The following PCDHGA8 variants were observed in gnomAD, a reference collection of about 807,000 sequenced individuals.
The protein encoded by PCDHGA8 is protocadherin gamma subfamily A, 8.
Under a neutral mutation model 59.2 loss-of-function variants are expected in PCDHGA8, and 45 were observed. The observed-to-expected ratio is 0.76, with a 90% CI of 0.60 to 0.98. PCDHGA8 has a LOEUF of 0.98. PCDHGA8 is among the 50% of genes least tolerant of loss of function. PCDHGA8 has a pLI of 0.00. For missense variants in PCDHGA8, 1,257 were observed against 1,196.2 expected, an observed-to-expected ratio of 1.05 and a Z score of -0.75; for synonymous variants, 531 against 519.0, an observed-to-expected ratio of 1.02 and a Z score of -0.32.
At chr5:141,427,951 A>G in intron 1 of PCDHGA8, 1 of 1,586,612 alleles carries the variant, frequency 6.3e-7, no homozygotes, top group Non-Finnish European at 8.6e-7. Flanking sequence ...CTCAATGACA[A>G]TGTGCCGCGG....
intron 1 of PCDHGA8, among the ~76,000 whole-genome samples, chr5:141,458,436 C>T (rs2098945707): frequency 6.6e-6 from 1 of 152,056 alleles, no homozygotes; most frequent in Non-Finnish European, 1.5e-5. Context: ...AAGAGGAGGT[C>T]CCCCACATTA....
At position 141,486,671 on chromosome 5, in the gene PCDHGA8, C is replaced by G. The variant is rs1307620045; in HGVS notation, c.2425-8136C>G. 24 of 1,613,926 alleles carry G rather than the reference C, an allele frequency of 1.5e-5. No homozygotes were observed. The highest frequency in any genetic ancestry group is 2.7e-5 in the African/African-American group (2 of 74,932). Reference sequence around the variant, plus strand: ...CTACTCACTCCTGGAGCCCAGGAATCGAGATGTATCAGCTTCCTCTTTCAT... The same window carrying G: ...CTACTCACTCCTGGAGCCCAGGAATGGAGATGTATCAGCTTCCTCTTTCAT... On this transcript the variant is annotated intron_variant, in intron 1 of 3. Transcript: ENST00000398604. The surrounding 1 kb of genome is among the most constrained non-coding windows in gnomAD (Gnocchi z 5.0).
chr5:141,478,956 T>C (rs2099484450), intron 1 of PCDHGA8, among the ~76,000 whole-genome samples: 1 of 152,200 alleles, frequency 6.6e-6, no homozygotes. Context: ...AACTACCTCA[T>C]TCCTCCACCT....
chr5:141,505,338 G>T, intron 2 of PCDHGA8, 55 bp from the exon 3 acceptor site: 1 of 1,612,254 alleles, frequency 6.2e-7, no homozygotes, highest in South Asian at 1.1e-5. Flanking sequence ...GGACAGGAGG[G>T]GCATGAGCTG....
chr5:141,418,848 G>T (rs770294020), intron 1 of PCDHGA8: 1 of 1,613,954 alleles, frequency 6.2e-7, no homozygotes, highest in Non-Finnish European at 8.5e-7. Flanking sequence ...CTCTCAACAC[G>T]GTGTAAAGTA....
At chr5:141,417,993 C>T (rs753867006) in intron 1 of PCDHGA8, 11 of 1,613,830 alleles carry the variant, frequency 6.8e-6, no homozygotes, top group Non-Finnish European at 7.6e-6. Flanking sequence ...GCCAAGGGCT[C>T]GGTGGTGGGG....
In PCDHGA8 at chr5:141,476,824, C is replaced by A; in HGVS notation, c.2425-17983C>A. On this transcript the variant is annotated intron_variant, in intron 1 of 3. Coordinates refer to ENST00000398604, the MANE Select transcript of PCDHGA8 (RefSeq NM_032088.2). This position sits in a 1 kb window ranked among gnomAD's most constrained non-coding sequence, Gnocchi z 7.6. Reference sequence around the variant, plus strand: ...TGCCTATTCACATCAAGGTGCTGGACGCGAATGACAATGCGCCTGTCTTCA... The same window carrying A: ...TGCCTATTCACATCAAGGTGCTGGAAGCGAATGACAATGCGCCTGTCTTCA... The A allele has an allele frequency of 1.2e-6, 2 of 1,613,588 alleles. No individual in the cohort carries two copies. The highest frequency in any genetic ancestry group is 1.7e-6 in the Non-Finnish European group (2 of 1,180,036).
In PCDHGA8 at chr5:141,394,136, C is replaced by G; in HGVS notation, c.1323C>G (p.His441Gln). Residue 441 changes from histidine (H) to glutamine (Q), a missense_variant, in exon 1 of 4, where the codon CAC (histidine) becomes CAG (glutamine). By Grantham distance (24) the His-to-Gln change is conservative. Coordinates refer to ENST00000398604, the MANE Select transcript of PCDHGA8 (RefSeq NM_032088.2). ...PLSTETQIALHVADINDNPPT... is the reference protein window; with the variant it reads ...PLSTETQIALQVADINDNPPT... Reference sequence around the variant, plus strand: ...CCACTGAAACTCAAATCGCTCTGCACGTGGCAGACATTAACGACAACCCTC... The same window carrying G: ...CCACTGAAACTCAAATCGCTCTGCAGGTGGCAGACATTAACGACAACCCTC... 1 of 1,613,956 alleles carries G rather than the reference C, an allele frequency of 6.2e-7. No homozygotes were observed. The highest frequency in any genetic ancestry group is 8.5e-7 in the Non-Finnish European group (1 of 1,179,860).
intron 1 of PCDHGA8, chr5:141,423,760 G>A: frequency 1.1e-5 from 3 of 279,660 alleles, no homozygotes; most frequent in Non-Finnish European, 1.1e-5. Flanking sequence ...TGGGGGGGGG[G>A]TGGGGCGGCA....
chr5:141,490,181 G>T lies in PCDHGA8; in HGVS notation c.2425-4626G>T, dbSNP rs755899660. ...GGTCCCATAGACTTTGAGGAGTCAC[G>T]TTTCTATGAAATTCATGCAAGAGCC... is the stretch of plus-strand genomic sequence containing the variant. On this transcript the variant is annotated intron_variant, in intron 1 of 3. Coordinates refer to ENST00000398604, the MANE Select transcript of PCDHGA8 (RefSeq NM_032088.2). The surrounding 1 kb of genome is among the most constrained non-coding windows in gnomAD (Gnocchi z 5.4). The T allele has an allele frequency of 6.2e-7, 1 of 1,614,200 alleles. No individual in the cohort carries two copies. The highest frequency in any genetic ancestry group is 8.5e-7 in the Non-Finnish European group (1 of 1,180,030).
Position 141,490,226 on chromosome 5 carries a change from C to T in PCDHGA8, c.2425-4581C>T. On this transcript the variant is annotated intron_variant, in intron 1 of 3. Coordinates refer to ENST00000398604, the MANE Select transcript of PCDHGA8 (RefSeq NM_032088.2). This position sits in a 1 kb window ranked among gnomAD's most constrained non-coding sequence, Gnocchi z 5.4. ...AGAGCCCGTGACCAGGGACAGCCTG[C>T]CATGGAGGGCCACTGTGTGATTCAA... The T allele has an allele frequency of 6.2e-7, 1 of 1,614,168 alleles. No homozygotes were observed. Among genetic ancestry groups the T allele is most frequent in the Non-Finnish European group, 8.5e-7 (1 of 1,180,020 alleles).
At chr5:141,463,629 GTT>G (rs923584581) in intron 1 of PCDHGA8, among the ~76,000 whole-genome samples, 5 of 151,314 alleles carry the variant, frequency 3.3e-5, no homozygotes, top group Middle Eastern at 3.4e-3. Flanking sequence ...TTTGTATTTT[GTT>G]TAGTAGAGAC....
At chr5:141,418,147 C>A (rs781655205) in intron 1 of PCDHGA8, 3 of 1,614,040 alleles carry the variant, frequency 1.9e-6, no homozygotes, top group Non-Finnish European at 2.5e-6. Flanking sequence ...AGCAAATATG[C>A]AAAGAGAGAA....
rs1256790840 is a variant in PCDHGA8, at chr5:141,392,835, C to T, written c.22C>T (p.Pro8Ser). 8 of 1,608,038 alleles carry T rather than the reference C, an allele frequency of 5.0e-6. No individual in the cohort carries two copies. In the South Asian group the frequency reaches 5.5e-5, roughly 11 times the overall value. The change falls in exon 1 of 4, where the codon CCC (proline) becomes TCC (serine). Residue 8 changes from proline (P) to serine (S), a missense_variant. Physicochemically the swap from Pro to Ser is moderately conservative, Grantham distance 74. Coordinates refer to ENST00000398604, the MANE Select transcript of PCDHGA8 (RefSeq NM_032088.2). Reference protein sequence around the residue: MAAPQSRPRRGELILLCA... With the variant: MAAPQSRSRRGELILLCA... The stretch of plus-strand genomic sequence containing the variant: ...AACAATGGCCGCTCCACAGAGTCGC[C>T]CCAGACGCGGCGAGCTGATCCTGCT...
intron 3 of PCDHGA8, among the ~76,000 whole-genome samples, chr5:141,509,044 C>G (rs1385744160): frequency 1.3e-5 from 2 of 152,130 alleles, no homozygotes. Flanking sequence ...CCCTCTCCCC[C>G]GCCCCCAGAA....
At position 141,477,754 on chromosome 5, in the gene PCDHGA8, C is replaced by T. The variant is rs1325020341; in HGVS notation, c.2425-17053C>T. The T allele has an allele frequency of 3.7e-6, 6 of 1,613,928 alleles. No homozygotes were observed. Among genetic ancestry groups the T allele is most frequent in the Non-Finnish European group, 5.1e-6 (6 of 1,180,046 alleles). On this transcript the variant is annotated intron_variant, in intron 1 of 3. Coordinates refer to ENST00000398604, the MANE Select transcript of PCDHGA8 (RefSeq NM_032088.2). The surrounding 1 kb of genome is among the most constrained non-coding windows in gnomAD (Gnocchi z 4.9). Reference sequence around the variant, plus strand: ...ATATCAGCGATGGGGGCACCCCGGTCCTAGCCACCAACATCAGCGTGAACA... The same window carrying T: ...ATATCAGCGATGGGGGCACCCCGGTTCTAGCCACCAACATCAGCGTGAACA...
At chr5:141,427,306 A>G (rs1023837851) in intron 1 of PCDHGA8, 6 of 456,826 alleles carry the variant, frequency 1.3e-5, no homozygotes, top group African/African-American at 1.2e-4. Flanking sequence ...GAGAATGACA[A>G]TGCCCCAGAC....
intron 1 of PCDHGA8, among the ~76,000 whole-genome samples, chr5:141,456,778 C>T (rs568292085): frequency 3.7e-4 from 57 of 152,242 alleles, no homozygotes; most frequent in African/African-American, 1.3e-3. Flanking sequence ...GCCTGGCCTA[C>T]ATGGCAAAAC....
chr5:141,428,395 G>A, intron 1 of PCDHGA8: 1 of 488,280 alleles, frequency 2.0e-6, no homozygotes, highest in Non-Finnish European at 3.8e-6. Flanking sequence ...CAGCCCCTCT[G>A]CCTGGGGTTG....
Sources: allele counts gnomAD v4.1 joint callset (sites outside exome capture counted in the v4.1 genomes callset), GRCh38; gene constraint gnomAD v4.1.1; non-coding constraint Gnocchi (gnomAD v3.1); transcripts MANE v1.5; gene names NCBI Gene and HGNC (gene_info 2026-07-23, HGNC 2026-07-21).